Variants in KIAA0232 observed in about 807,000 individuals in gnomAD.
The protein encoded by KIAA0232 is uncharacterized protein KIAA0232.
A neutral mutation model predicts 122.0 loss-of-function variants in KIAA0232; 27 were observed. The ratio of observed to expected loss-of-function variants is 0.22; its 90% CI spans 0.16 to 0.31. The LOEUF is 0.31. Ranked by LOEUF, KIAA0232 falls within the 10% of genes least tolerant of loss-of-function variation. KIAA0232 has a pLI of 1.00. For synonymous variants in KIAA0232, 613 were observed against 587.6 expected, an observed-to-expected ratio of 1.04 and a Z score of -0.63; for missense variants, 1,551 against 1,634.2, an observed-to-expected ratio of 0.95 and a Z score of 0.88.
chr4:6,881,772 C>G lies in KIAA0232; in HGVS notation c.*806C>G, dbSNP rs1288315885. On this transcript the variant is annotated 3_prime_UTR_variant, in exon 10 of 10. Transcript: ENST00000307659. The stretch of plus-strand genomic sequence containing the variant: ...CTTTGTGGTGAGTGTTCCATACGTG[C>G]TAAGGACCTTAGTTACAGATTGTTA... 2 of 152,612 alleles carry G rather than the reference C, an allele frequency of 1.3e-5. No homozygotes were observed. Among genetic ancestry groups the G allele is most frequent in the African/African-American group, 4.8e-5 (2 of 41,436 alleles). The allele number at this position is 152,612 out of a possible 1,614,324, so 9.5% of individuals were successfully genotyped here.
rs146555199 is a variant in KIAA0232 at position 6,850,071 on chromosome 4, A to G, written c.370-7093A>G. Among the ~76,000 whole-genome samples the G allele has an allele frequency of 4.7e-4, 71 of 152,340 alleles. 1 individual carries two copies. Among genetic ancestry groups the G allele is most frequent in the Non-Finnish European group, 7.2e-4 (49 of 68,030 alleles). The stretch of plus-strand genomic sequence containing the variant: ...TAACAGGAAGTTTTCTGATCTTTCA[A>G]ATGTTGAAAAGTGAGAATATGAGAG... On this transcript the variant is annotated intron_variant, in intron 4 of 9. Coordinates refer to ENST00000307659, the MANE Select transcript of KIAA0232 (RefSeq NM_014743.3).
At chr4:6,864,737 C>CAAAAAAA (rs59573520) in intron 7 of KIAA0232, among the ~76,000 whole-genome samples, 24 of 70,060 alleles carry the variant, frequency 3.4e-4, no homozygotes, top group South Asian at 5.9e-4. Context: ...GACTCCATCT[C>CAAAAAAA]AAAAAAAAAA....
At chr4:6,806,129 G>T (rs1673236922) in intron 2 of KIAA0232, among the ~76,000 whole-genome samples, 1 of 152,014 alleles carries the variant, frequency 6.6e-6, no homozygotes, top group Admixed American at 6.6e-5. Flanking sequence ...ACCCCTGCTA[G>T]GTAAAAAAGG....
At chr4:6,871,453 T>G in intron 7 of KIAA0232, 121 bp from the exon 8 acceptor site, 1 of 608,806 alleles carries the variant, frequency 1.6e-6, no homozygotes, top group Non-Finnish European at 2.9e-6. Context: ...GAAAGAAAAA[T>G]CAAAAAACCT....
chr4:6,854,796 G>A (rs953714538), intron 4 of KIAA0232, among the ~76,000 whole-genome samples: 163 of 152,236 alleles, frequency 1.1e-3, no homozygotes, highest in African/African-American at 3.8e-3. Flanking sequence ...TTGTTATTAA[G>A]ATATAACTTA....
intron 3 of KIAA0232, among the ~76,000 whole-genome samples, chr4:6,837,210 C>T (rs1577385693): frequency 1.3e-5 from 2 of 150,322 alleles, no homozygotes; most frequent in African/African-American, 4.9e-5. Flanking sequence ...GGCTGCCGGG[C>T]GGAGGGGCTC....
intron 7 of KIAA0232, among the ~76,000 whole-genome samples, chr4:6,871,016 A>G (rs1210806241): frequency 6.6e-6 from 1 of 152,120 alleles, no homozygotes; most frequent in Non-Finnish European, 1.5e-5. Flanking sequence ...TTGGGCTTGT[A>G]AGAGTTTTTT....
chr4:6,817,164 A>G (rs1482972443), intron 2 of KIAA0232, among the ~76,000 whole-genome samples: 2 of 152,196 alleles, frequency 1.3e-5, no homozygotes, highest in Non-Finnish European at 2.9e-5. Flanking sequence ...TTTCTAATGT[A>G]GACAGTGCTC....
rs1475663648 is a variant in KIAA0232, at chr4:6,833,794, T to G, written c.232-8273T>G. Among the ~76,000 whole-genome samples the G allele has an allele frequency of 2.0e-5, 3 of 152,174 alleles. No homozygotes were observed. The East Asian group carries it at 5.8e-4, about 29-fold the overall frequency. On this transcript the variant is annotated intron_variant, in intron 3 of 9. Coordinates refer to ENST00000307659, the MANE Select transcript of KIAA0232 (RefSeq NM_014743.3). ...CATCACTGGATAATTCATGAAGAAT[T>G]AAGCAGGAGATATCAGAAGGGTTAT...
chr4:6,869,385 C>T (rs1198734594), intron 7 of KIAA0232, among the ~76,000 whole-genome samples: 5 of 152,214 alleles, frequency 3.3e-5, no homozygotes, highest in Non-Finnish European at 7.3e-5. Context: ...GGCTGGGGCA[C>T]CTTCCTTGCT....
At chr4:6,813,490 G>A (rs1717971302) in intron 2 of KIAA0232, among the ~76,000 whole-genome samples, 1 of 151,964 alleles carries the variant, frequency 6.6e-6, no homozygotes, top group South Asian at 2.1e-4. Context: ...AGCCTCCCGA[G>A]TAGCTGGGAC....
At chr4:6,842,356 G>A in intron 4 of KIAA0232, 152 bp downstream of exon 4, 1 of 751,420 alleles carries the variant, frequency 1.3e-6, no homozygotes, top group Non-Finnish European at 2.1e-6. Context: ...TTCCTTTATG[G>A]TATTTTTCTA....
intron 1 of KIAA0232, among the ~76,000 whole-genome samples, chr4:6,793,615 A>G (rs1379748051): frequency 4.6e-5 from 6 of 130,598 alleles, no homozygotes; most frequent in Non-Finnish European, 1.0e-4. Context: ...TAAGAGATTC[A>G]CTAGGATTAT....
chr4:6,810,095 A>G (rs951978502), intron 2 of KIAA0232, among the ~76,000 whole-genome samples: 3 of 152,220 alleles, frequency 2.0e-5, no homozygotes, highest in Non-Finnish European at 2.9e-5. Context: ...TTCATATGAA[A>G]TCAAAAAAGA....
At chr4:6,795,741 C>T (rs920744183) in intron 1 of KIAA0232, among the ~76,000 whole-genome samples, 12 of 152,132 alleles carry the variant, frequency 7.9e-5, no homozygotes, top group African/African-American at 1.4e-4. Flanking sequence ...TATAGGCATG[C>T]GCCACTGCAT....
chr4:6,870,358 C>T (rs542529558), intron 7 of KIAA0232, among the ~76,000 whole-genome samples: 1 of 152,338 alleles, frequency 6.6e-6, no homozygotes, highest in South Asian at 2.1e-4. Flanking sequence ...TCTCAGGAAT[C>T]ATTCTCTCAT....
chr4:6,828,598 T>G (rs1718814085), intron 3 of KIAA0232, among the ~76,000 whole-genome samples: 1 of 152,226 alleles, frequency 6.6e-6, no homozygotes, highest in South Asian at 2.1e-4. Flanking sequence ...TTGAGTTACC[T>G]GTCTCCTTAA....
intron 8 of KIAA0232, among the ~76,000 whole-genome samples, chr4:6,874,462 A>G (rs1721650620): frequency 6.6e-6 from 1 of 152,200 alleles, no homozygotes; most frequent in Admixed American, 6.5e-5. Flanking sequence ...GCCAGACCAC[A>G]GAGGGCCTTG....
intron 1 of KIAA0232, among the ~76,000 whole-genome samples, chr4:6,785,653 C>T (rs1472848805): frequency 6.6e-6 from 1 of 152,214 alleles, no homozygotes; most frequent in Non-Finnish European, 1.5e-5. Flanking sequence ...CATTCTTTGC[C>T]TGGCTGCCAG....
Sources: gnomAD v4.1 joint callset for allele counts (sites outside exome capture counted in the v4.1 genomes callset) on GRCh38, gnomAD v4.1.1 for gene constraint, MANE v1.5 for transcripts, NCBI Gene and HGNC (gene_info 2026-07-23, HGNC 2026-07-21) for gene names.